SIPA1L3: variants seen among roughly 807,000 people sequenced by gnomAD.
The protein encoded by SIPA1L3 is signal-induced proliferation-associated 1-like protein 3.
SIPA1L3 carries 59 observed loss-of-function variants against 150.1 expected under a neutral mutation model. The observed-to-expected ratio is 0.39, with a 90% CI of 0.32 to 0.49. SIPA1L3 has a LOEUF of 0.49. SIPA1L3 is among the 20% of genes least tolerant of loss of function. The pLI is 0.86. For missense variants in SIPA1L3, 2,211 were observed against 2,489.5 expected, an observed-to-expected ratio of 0.89 and a Z score of 2.38; for synonymous variants, 1,070 against 1,077.6, an observed-to-expected ratio of 0.99 and a Z score of 0.14.
At chr19:38,123,254 T>C (rs146313695) in intron 9 of SIPA1L3, among the ~76,000 whole-genome samples, 3 of 131,278 alleles carry the variant, frequency 2.3e-5, no homozygotes, top group Non-Finnish European at 4.6e-5. Context: ...GGTTTTGGAG[T>C]TTTTTTTTTG....
intron 6 of SIPA1L3, chr19:38,106,185 C>T: frequency 3.7e-6 from 1 of 272,516 alleles, no homozygotes; most frequent in South Asian, 3.6e-5. Flanking sequence ...CGGCTCGCTG[C>T]AACCTCCGCC....
chr19:38,111,349 G>T (rs369213563), intron 8 of SIPA1L3, among the ~76,000 whole-genome samples: 1 of 152,090 alleles, frequency 6.6e-6, no homozygotes, highest in South Asian at 2.1e-4. Context: ...TTTCGTACCT[G>T]TACATGAAGT....
At chr19:37,962,647 G>A (rs1442816862) in intron 1 of SIPA1L3, among the ~76,000 whole-genome samples, 4 of 151,852 alleles carry the variant, frequency 2.6e-5, no homozygotes, top group East Asian at 3.9e-4. Context: ...TGTGTTTGGC[G>A]AGGGTGTGCA....
At chr19:37,982,819 G>A (rs77677456) in intron 1 of SIPA1L3, among the ~76,000 whole-genome samples, 7,216 of 152,214 alleles carry the variant, frequency 0.047, 206 homozygotes, top group East Asian at 0.11. Context: ...GGGCTTTCCC[G>A]GTGTGACCTG....
At position 38,100,083 on chromosome 19, in the gene SIPA1L3, A is replaced by C. The variant is rs200087532; in HGVS notation, c.1787A>C (p.His596Pro). Residue 596 changes from histidine to proline, a missense_variant, in exon 5 of 22, where the codon CAC (histidine) becomes CCC (proline). Physicochemically the swap from His to Pro is moderately conservative, Grantham distance 77 (BLOSUM62 -2). This residue lies in a region of SIPA1L3 where 625 missense variants were observed against 804.2 expected (regional missense o/e 0.78). Transcript: ENST00000222345. ...LEYVIPELNI[H>P]CLRLALNTPK... is the part of the protein sequence containing the mutation. ...TATGTCATCCCCGAGCTCAACATCC[A>C]CTGCCTGCGGCTGGCCCTCAACACC... 1.9e-6 allele frequency: 3 copies of C among 1,612,074 alleles called. No individual in the cohort carries two copies. Among genetic ancestry groups the C allele is most frequent in the East Asian group, 4.5e-5 (2 of 44,558 alleles).
At chr19:38,042,207 CTTTGAG>C (rs746205729) in intron 2 of SIPA1L3, among the ~76,000 whole-genome samples, 68 of 152,264 alleles carry the variant, frequency 4.5e-4, no homozygotes, top group Non-Finnish European at 9.0e-4. Context: ...CTTTTATCCT[CTTTGAG>C]TTTATTTTTG....
At chr19:38,004,097 A>C (rs1748988250) in intron 1 of SIPA1L3, among the ~76,000 whole-genome samples, 1 of 152,184 alleles carries the variant, frequency 6.6e-6, no homozygotes, top group Non-Finnish European at 1.5e-5. Flanking sequence ...GTAATTGCTA[A>C]CGTGTTGAGA....
chr19:37,991,612 G>A lies in SIPA1L3; in HGVS notation c.-378-37477G>A, dbSNP rs548250054. ...CATGTGAGTTCAGTGGGCCCATTGTGCAGACAGCTTGGCAGGGACCGTGCA... is the reference window on the plus strand; with the variant it reads ...CATGTGAGTTCAGTGGGCCCATTGTACAGACAGCTTGGCAGGGACCGTGCA... On this transcript the variant is annotated intron_variant, in intron 1 of 21. Coordinates refer to ENST00000222345, the MANE Select transcript of SIPA1L3 (RefSeq NM_015073.3). Among the ~76,000 whole-genome samples, 9 of 152,354 alleles carry A rather than the reference G, an allele frequency of 5.9e-5. No homozygotes were observed. In the South Asian group the frequency reaches 1.7e-3, roughly 28 times the overall value.
intron 16 of SIPA1L3, among the ~76,000 whole-genome samples, chr19:38,190,144 G>A (rs958704033): frequency 3.9e-5 from 6 of 152,076 alleles, no homozygotes; most frequent in Non-Finnish European, 7.4e-5. Flanking sequence ...TTTTATTCAT[G>A]CTTCCAGGAG....
chr19:37,931,532 A>AGGTTGAGAGTTCAAGACCAGCGTGGCT (rs1422769999), intron 1 of SIPA1L3, among the ~76,000 whole-genome samples: 2 of 152,102 alleles, frequency 1.3e-5, no homozygotes, highest in East Asian at 3.9e-4. Context: ...GGACCTCCTG[A>AGGTTGAGAGTTCAAGACCAGCGTGGCT]GGTTGAGAGT....
At chr19:38,123,014 C>T (rs1971058068) in intron 9 of SIPA1L3, among the ~76,000 whole-genome samples, 1 of 152,232 alleles carries the variant, frequency 6.6e-6, no homozygotes, top group Non-Finnish European at 1.5e-5. Flanking sequence ...GCATCTGGTG[C>T]ACAGTAGCCG....
At chr19:38,204,074 C>A (rs1973150207) in intron 20 of SIPA1L3, 53 bp from the exon 21 acceptor site, 4 of 1,452,278 alleles carry the variant, frequency 2.8e-6, no homozygotes, top group Non-Finnish European at 3.8e-6. Context: ...GGGCCAGAAG[C>A]CTTCCCCAGG....
At chr19:37,941,707 G>A (rs142807136) in intron 1 of SIPA1L3, among the ~76,000 whole-genome samples, 18 of 152,210 alleles carry the variant, frequency 1.2e-4, no homozygotes, top group East Asian at 9.6e-4. Flanking sequence ...TTCCCCTGTC[G>A]TGCATTGTCA....
intron 1 of SIPA1L3, among the ~76,000 whole-genome samples, chr19:37,926,425 G>A (rs2046504164): frequency 6.6e-6 from 1 of 152,194 alleles, no homozygotes; most frequent in African/African-American, 2.4e-5. Flanking sequence ...TGAAATCACA[G>A]CTCCCAGAGG....
chr19:38,008,403 A>G (rs1968014783), intron 1 of SIPA1L3, among the ~76,000 whole-genome samples: 1 of 150,704 alleles, frequency 6.6e-6, no homozygotes, highest in African/African-American at 2.4e-5. Flanking sequence ...AATTTTTTGT[A>G]TTTTTAGTAG....
intron 1 of SIPA1L3, among the ~76,000 whole-genome samples, chr19:37,977,021 G>C (rs1216243671): frequency 1.3e-5 from 2 of 151,924 alleles, no homozygotes; most frequent in Admixed American, 1.3e-4. Flanking sequence ...TGTTTTTATA[G>C]AGACAGGGTC....
At chr19:38,179,113 G>C (rs1233333680) in intron 15 of SIPA1L3, among the ~76,000 whole-genome samples, 1 of 152,168 alleles carries the variant, frequency 6.6e-6, no homozygotes, top group African/African-American at 2.4e-5. Context: ...TTGCTCCTCT[G>C]TTCTTCCTTA....
rs557257278 is a variant in SIPA1L3, at chr19:38,088,840, C to T, written c.1654C>T (p.Arg552Trp). The T allele has an allele frequency of 3.9e-5, 63 of 1,613,822 alleles. No homozygotes were observed. The highest frequency in any genetic ancestry group is 6.6e-5 in the South Asian group (6 of 91,072). The change falls in exon 4 of 22, where the codon CGG (arginine) becomes TGG (tryptophan). Residue 552 changes from arginine to tryptophan, a missense_variant. Physicochemically the swap from Arg to Trp is moderately radical, Grantham distance 101 (BLOSUM62 -3). Transcript: ENST00000222345. ...TCAGTACCAGTACAGGATCATCTTCCGGACCCGCGAGGTAGGTCCCATCAC... is the reference window on the plus strand; with the variant it reads ...TCAGTACCAGTACAGGATCATCTTCTGGACCCGCGAGGTAGGTCCCATCAC... ...GPQYQYRIIFRTRELITLRGS... is the reference protein window; with the variant it reads ...GPQYQYRIIFWTRELITLRGS...
intron 12 of SIPA1L3, among the ~76,000 whole-genome samples, chr19:38,144,407 G>A (rs1971662070): frequency 6.6e-6 from 1 of 152,246 alleles, no homozygotes; most frequent in Admixed American, 6.5e-5. Flanking sequence ...GAAACCACCT[G>A]CCTTAAGACC....
Sources: allele counts gnomAD v4.1 joint callset (sites outside exome capture counted in the v4.1 genomes callset), GRCh38; gene constraint gnomAD v4.1.1; regional missense constraint gnomAD v4.1.1; transcripts MANE v1.5; gene names NCBI Gene and HGNC (gene_info 2026-07-23, HGNC 2026-07-21).